The following MYH11 variants were observed in gnomAD, a reference collection of about 807,000 sequenced individuals.
MYH11 encodes the protein myosin-11.
A neutral mutation model predicts 246.6 loss-of-function variants in MYH11; 80 were observed. The observed-to-expected ratio is 0.32, with a 90% CI of 0.27 to 0.39. The LOEUF is 0.39. MYH11 is among the 10% of genes least tolerant of loss of function. MYH11 has a pLI of 1.00. For missense variants in MYH11, 2,158 were observed against 2,546.8 expected, an observed-to-expected ratio of 0.85 and a Z score of 3.29; for synonymous variants, 1,071 against 1,015.5, an observed-to-expected ratio of 1.05 and a Z score of -1.04.
chr16:15,828,278 G>A (rs2043624426), intron 2 of MYH11, among the ~76,000 whole-genome samples: 1 of 152,184 alleles, frequency 6.6e-6, no homozygotes, highest in African/African-American at 2.4e-5. Context: ...CTGGTATGTA[G>A]TAGGTGCTCA....
chr16:15,842,790 A>G (rs986037492), intron 1 of MYH11, among the ~76,000 whole-genome samples: 15 of 146,938 alleles, frequency 1.0e-4, no homozygotes, highest in East Asian at 5.8e-4. Flanking sequence ...AAAAAAAAAA[A>G]GGGCAGAGAA....
intron 26 of MYH11, among the ~76,000 whole-genome samples, chr16:15,735,008 C>T (rs2041072178): frequency 6.6e-6 from 1 of 151,804 alleles, no homozygotes; most frequent in African/African-American, 2.4e-5. Context: ...GGCAAAACTC[C>T]ATCTCTACTA....
chr16:15,714,609 G>T, intron 40 of MYH11: 1 of 533,624 alleles, frequency 1.9e-6, no homozygotes, highest in Non-Finnish European at 3.4e-6. Flanking sequence ...CAATGAAGGA[G>T]GGGCTGGAGG....
chr16:15,722,458 C>G (rs752016176), intron 31 of MYH11, among the ~76,000 whole-genome samples: 26 of 152,152 alleles, frequency 1.7e-4, no homozygotes, highest in Non-Finnish European at 3.2e-4. Flanking sequence ...AGCCAAACTT[C>G]CAGTATTCAG....
At chr16:15,739,921 T>TA (rs2041223639) in intron 23 of MYH11, 130 bp downstream of exon 23, 1 of 968,974 alleles carries the variant, frequency 1.0e-6, no homozygotes, top group African/African-American at 1.6e-5. Context: ...TTTGTATTTT[T>TA]AGTAGAGATG....
Position 15,724,636 on chromosome 16 carries a change from G to A in MYH11, c.4116+11C>T, listed in dbSNP as rs760728491. ...GGACCCATGAAGGAAGCAAGGACACGGGGCAGGCACCTGGATGTTGAGAGT... is the reference window on the plus strand; with the variant it reads ...GGACCCATGAAGGAAGCAAGGACACAGGGCAGGCACCTGGATGTTGAGAGT... On this transcript the variant is annotated intron_variant, in intron 30 of 40. Coordinates refer to ENST00000300036, the MANE Select transcript of MYH11 (RefSeq NM_002474.3). 20 of 1,610,394 alleles carry A rather than the reference G, an allele frequency of 1.2e-5. 1 individual carries two copies. Among genetic ancestry groups the A allele is most frequent in the Middle Eastern group, 3.4e-4 (2 of 5,802 alleles).
intron 1 of MYH11, among the ~76,000 whole-genome samples, chr16:15,848,518 G>A (rs544151983): frequency 1.3e-5 from 2 of 152,254 alleles, no homozygotes; most frequent in East Asian, 3.9e-4. Flanking sequence ...ACAGGCGTGA[G>A]CCACCGCAGC....
At chr16:15,815,580 A>G (rs2043244118) in intron 3 of MYH11, among the ~76,000 whole-genome samples, 1 of 152,146 alleles carries the variant, frequency 6.6e-6, no homozygotes, top group African/African-American at 2.4e-5. Context: ...CTTCTAAGAA[A>G]AAGAAACAGA....
intron 24 of MYH11, among the ~76,000 whole-genome samples, chr16:15,738,255 CA>C (rs1226396021): frequency 2.0e-5 from 3 of 152,000 alleles, no homozygotes; most frequent in African/African-American, 7.2e-5. Context: ...CCTATAATCC[CA>C]GCACTTTGGG....
At chr16:15,851,215 G>A (rs762189607) in intron 1 of MYH11, among the ~76,000 whole-genome samples, 1 of 152,094 alleles carries the variant, frequency 6.6e-6, no homozygotes, top group Non-Finnish European at 1.5e-5. Context: ...CAAATGTGTC[G>A]CAGGGAGAGG....
chr16:15,812,551 T>TAAAAAAAAA lies in MYH11; in HGVS notation c.502+10695_502+10703dup, dbSNP rs71134466. Among the ~76,000 whole-genome samples, 84 of 37,416 alleles carry TAAAAAAAAA rather than the reference T, an allele frequency of 2.2e-3. 1 individual carries two copies. Among genetic ancestry groups the TAAAAAAAAA allele is most frequent in the East Asian group, 5.3e-3 (4 of 758 alleles). The allele number at this position is 37,416 out of a possible 152,430, so 24.5% of individuals were successfully genotyped here. A position where few individuals can be genotyped will look rare whatever the true frequency, so the allele number is the denominator to read the frequency against. On this transcript the variant is annotated intron_variant, in intron 3 of 40. Transcript: ENST00000300036. ...GGGCAACACAGTAAGATCTTATCTC[T>TAAAAAAAAA]AAAAAAAAAAAAAAAAAAAAAAAAA...
intron 4 of MYH11, among the ~76,000 whole-genome samples, chr16:15,797,932 G>A (rs529332332): frequency 1.3e-5 from 2 of 151,850 alleles, no homozygotes; most frequent in African/African-American, 4.8e-5. Flanking sequence ...GCTCCCTTCG[G>A]CAGCACACAT....
At chr16:15,751,766 G>A (rs1596780118) in intron 15 of MYH11, among the ~76,000 whole-genome samples, 1 of 150,898 alleles carries the variant, frequency 6.6e-6, no homozygotes, top group African/African-American at 2.4e-5. Context: ...GCACCCACCA[G>A]CACACCCGGC....
chr16:15,752,072 G>C (rs749935862), intron 15 of MYH11, among the ~76,000 whole-genome samples: 1 of 151,986 alleles, frequency 6.6e-6, no homozygotes, highest in Non-Finnish European at 1.5e-5. Context: ...GATTACAGGT[G>C]TGAGCCACCA....
chr16:15,783,774 C>T (rs543198699), intron 5 of MYH11, among the ~76,000 whole-genome samples: 8 of 152,196 alleles, frequency 5.3e-5, no homozygotes, highest in Non-Finnish European at 7.4e-5. Context: ...AGCTTTAAAT[C>T]GGGGGACCTG....
Position 15,703,816 on chromosome 16 carries a change from T to G in MYH11, c.*175A>C. On this transcript the variant is annotated 3_prime_UTR_variant, in exon 41 of 41. Coordinates refer to ENST00000300036, the MANE Select transcript of MYH11 (RefSeq NM_002474.3). ...TTGCCCAGGCTGGAGGGTGGTGGTTTTTATATTCCTTGTGTGAGGGGTGTC... is the reference window on the plus strand; with the variant it reads ...TTGCCCAGGCTGGAGGGTGGTGGTTGTTATATTCCTTGTGTGAGGGGTGTC... 1.1e-6 allele frequency: 1 copy of G among 876,270 alleles called. No individual in the cohort carries two copies. The highest frequency in any genetic ancestry group is 1.8e-6 in the Non-Finnish European group (1 of 545,442). 54.3% of individuals were successfully genotyped at this position (876,270 alleles called of 1,614,324 possible). A position where few individuals can be genotyped will look rare whatever the true frequency, so the allele number is the denominator to read the frequency against.
intron 3 of MYH11, among the ~76,000 whole-genome samples, chr16:15,816,307 C>G (rs2043261797): frequency 6.6e-6 from 1 of 151,884 alleles, no homozygotes; most frequent in Non-Finnish European, 1.5e-5. Flanking sequence ...GAGATGATAT[C>G]AATATGATAT....
chr16:15,802,530 C>T (rs1373994834), intron 3 of MYH11, among the ~76,000 whole-genome samples: 3 of 152,222 alleles, frequency 2.0e-5, no homozygotes, highest in Non-Finnish European at 4.4e-5. Context: ...CTCACTGCAA[C>T]CTCAACCTCC....
intron 36 of MYH11, chr16:15,718,954 C>G: frequency 6.3e-6 from 3 of 476,372 alleles, no homozygotes; most frequent in Non-Finnish European, 1.1e-5. Flanking sequence ...ATGGTGAAAC[C>G]CCACCTCTAC....
Sources: gnomAD v4.1 joint callset for allele counts (sites outside exome capture counted in the v4.1 genomes callset) on GRCh38, gnomAD v4.1.1 for gene constraint, MANE v1.5 for transcripts, NCBI Gene and HGNC (gene_info 2026-07-23, HGNC 2026-07-21) for gene names.